Variants in XKR4 observed in about 807,000 individuals in gnomAD.
The protein encoded by XKR4 is XK related 4, also known as XK-related protein 4.
XKR4 carries 12 observed loss-of-function variants against 53.9 expected under a neutral mutation model. The observed-to-expected ratio is 0.22, with a 90% CI of 0.14 to 0.36. XKR4 has a LOEUF of 0.36. Among genes scored for constraint, XKR4 ranks in the 10% least tolerant of loss-of-function variants. The probability of loss-of-function intolerance (pLI) is 1.00; values close to 1 mark genes in which losing one functional copy is unlikely to be tolerated. For missense variants in XKR4, 799 were observed against 859.5 expected (o/e 0.93, Z 0.88); for synonymous variants, 354 against 362.4 (o/e 0.98, Z 0.26).
chr8:55,108,717 A>G (rs1432287021), intron 1 of XKR4, among the ~76,000 whole-genome samples: 1 of 152,178 alleles, frequency 6.6e-6, no homozygotes, highest in Non-Finnish European at 1.5e-5. Context: ...CTTCTGATCC[A>G]TAGAAATATA....
At chr8:55,191,649 C>T (rs1300481743) in intron 1 of XKR4, among the ~76,000 whole-genome samples, 1 of 147,652 alleles carries the variant, frequency 6.8e-6, no homozygotes, top group Non-Finnish European at 1.5e-5. Flanking sequence ...TTCCCAGTTT[C>T]TTTCTCTCCT....
chr8:55,169,486 T>G (rs1179939273), intron 1 of XKR4, among the ~76,000 whole-genome samples: 2 of 152,224 alleles, frequency 1.3e-5, no homozygotes, highest in African/African-American at 4.8e-5. Context: ...CCAGGTCCTG[T>G]GTGTTTTTAC....
intron 2 of XKR4, 146 bp downstream of exon 2, chr8:55,358,023 G>C: frequency 1.2e-6 from 1 of 818,704 alleles, no homozygotes; most frequent in Non-Finnish European, 1.9e-6. Flanking sequence ...AATGATGCAT[G>C]ATGTTTTCCT....
At chr8:55,142,812 CACAA>C (rs1227021657) in intron 1 of XKR4, among the ~76,000 whole-genome samples, 3 of 152,172 alleles carry the variant, frequency 2.0e-5, no homozygotes, top group Non-Finnish European at 2.9e-5. Context: ...AACATACGTG[CACAA>C]ACAAACACAG....
chr8:55,153,664 A>T (rs1406948442), intron 1 of XKR4, among the ~76,000 whole-genome samples: 2 of 152,218 alleles, frequency 1.3e-5, no homozygotes, highest in East Asian at 1.9e-4. Flanking sequence ...ATTAAGAAGA[A>T]TTCCTTTCTC....
intron 2 of XKR4, among the ~76,000 whole-genome samples, chr8:55,441,126 G>T (rs1805258073): frequency 6.6e-6 from 1 of 151,770 alleles, no homozygotes; most frequent in Admixed American, 6.6e-5. Context: ...TGTAGTCCTA[G>T]CTACTCTGGA....
At chr8:55,144,587 TATTTAA>T (rs1310600222) in intron 1 of XKR4, among the ~76,000 whole-genome samples, 2 of 152,248 alleles carry the variant, frequency 1.3e-5, no homozygotes, top group East Asian at 3.9e-4. Context: ...AATTTCCTGA[TATTTAA>T]ATTTTGGCAT....
intron 1 of XKR4, among the ~76,000 whole-genome samples, chr8:55,168,285 G>A (rs925111884): frequency 1.3e-5 from 2 of 152,148 alleles, no homozygotes; most frequent in African/African-American, 4.8e-5. Flanking sequence ...TTTTTGGTTT[G>A]TGTGTGGTGG....
chr8:55,161,465 T>TG lies in XKR4; in HGVS notation c.806+58174dup, dbSNP rs1816983526. On this transcript the variant is annotated intron_variant, in intron 1 of 2. Coordinates refer to ENST00000327381, the MANE Select transcript of XKR4 (RefSeq NM_052898.2). The stretch of plus-strand genomic sequence containing the variant: ...GAAACTAGAGTCTTTGAGCACCTGC[T>TG]GGGCTGGGCAGTGATGGGTCCTTTA... The TG allele has an allele frequency of 2.7e-5, 12 of 450,376 alleles. No homozygotes were observed. In the Admixed American group the frequency reaches 2.9e-4, roughly 11 times the overall value. The allele number at this position is 450,376 out of a possible 1,614,324, so 27.9% of individuals were successfully genotyped here. A position where few individuals can be genotyped will look rare whatever the true frequency, so the allele number is the denominator to read the frequency against.
At chr8:55,254,354 G>A (rs1402106423) in intron 1 of XKR4, among the ~76,000 whole-genome samples, 1 of 152,090 alleles carries the variant, frequency 6.6e-6, no homozygotes, top group Non-Finnish European at 1.5e-5. Flanking sequence ...ATCACTGTAT[G>A]TAATCCTGTC....
At chr8:55,342,610 G>A (rs1803571432) in intron 1 of XKR4, among the ~76,000 whole-genome samples, 1 of 152,070 alleles carries the variant, frequency 6.6e-6, no homozygotes, top group African/African-American at 2.4e-5. Context: ...CTCCTGGAAT[G>A]GACCACACAC....
chr8:55,325,479 T>C (rs1474349402), intron 1 of XKR4, among the ~76,000 whole-genome samples: 9 of 152,136 alleles, frequency 5.9e-5, no homozygotes, highest in Admixed American at 2.0e-4. Context: ...CATGAGCAAA[T>C]AATTTACCCT....
chr8:55,143,337 A>G (rs1230499115), intron 1 of XKR4, among the ~76,000 whole-genome samples: 1 of 152,160 alleles, frequency 6.6e-6, no homozygotes, highest in African/African-American at 2.4e-5. Context: ...TAATTTTTCA[A>G]GTTGTTTTGC....
In XKR4 at chr8:55,164,183, G is replaced by A. The variant is rs184088580; in HGVS notation, c.806+60889G>A. On this transcript the variant is annotated intron_variant, in intron 1 of 2. Transcript: ENST00000327381. ...CGCCACTGGCCTGGCCCAGCACACA[G>A]GTTGCCTCGTCCGCCGCCTCCCCAC... 188 of 456,634 alleles carry A rather than the reference G, an allele frequency of 4.1e-4. 1 individual carries two copies. The highest frequency in any genetic ancestry group is 2.3e-3 in the South Asian group (147 of 64,570). The allele number at this position is 456,634 out of a possible 1,614,324, so 28.3% of individuals were successfully genotyped here. A position where few individuals can be genotyped will look rare whatever the true frequency, so the allele number is the denominator to read the frequency against.
intron 2 of XKR4, among the ~76,000 whole-genome samples, chr8:55,473,922 T>G (rs1465396344): frequency 6.8e-6 from 1 of 146,016 alleles, no homozygotes; most frequent in Non-Finnish European, 1.5e-5. Context: ...TCCTTCTTTC[T>G]TTCAATGAGA....
At chr8:55,328,884 C>T (rs769571169) in intron 1 of XKR4, among the ~76,000 whole-genome samples, 10 of 152,160 alleles carry the variant, frequency 6.6e-5, no homozygotes, top group Non-Finnish European at 1.3e-4. Flanking sequence ...TTACCACCAA[C>T]ACCCACCATG....
intron 2 of XKR4, among the ~76,000 whole-genome samples, chr8:55,438,847 G>A (rs1805223752): frequency 6.6e-6 from 1 of 152,160 alleles, no homozygotes; most frequent in African/African-American, 2.4e-5. Context: ...ACTATCTGGA[G>A]CAACAAGTAT....
At chr8:55,424,903 T>C (rs1804991013) in intron 2 of XKR4, among the ~76,000 whole-genome samples, 1 of 152,250 alleles carries the variant, frequency 6.6e-6, no homozygotes, top group Admixed American at 6.5e-5. Context: ...CCTTGGCCTC[T>C]GGCATAGAGT....
intron 2 of XKR4, among the ~76,000 whole-genome samples, chr8:55,497,379 T>C (rs1806367597): frequency 6.6e-6 from 1 of 152,266 alleles, no homozygotes; most frequent in Non-Finnish European, 1.5e-5. Context: ...AACAGGCAGC[T>C]TATTGATTAT....
Sources: gnomAD v4.1 joint callset for allele counts (sites outside exome capture counted in the v4.1 genomes callset) on GRCh38, gnomAD v4.1.1 for gene constraint, MANE v1.5 for transcripts, NCBI Gene and HGNC (gene_info 2026-07-23, HGNC 2026-07-21) for gene names.